Variants in BCAR3 observed in about 807,000 individuals in gnomAD.
The protein encoded by BCAR3 is BCAR3 adaptor protein, NSP family member.
Under a neutral mutation model 80.1 loss-of-function variants are expected in BCAR3, and 37 were observed. The observed-to-expected ratio is 0.46, with a 90% confidence interval of 0.36 to 0.61. BCAR3 has a LOEUF of 0.61. Ranked by LOEUF, BCAR3 falls within the 20% of genes least tolerant of loss-of-function variation. BCAR3 has a pLI of 0.00. For synonymous variants in BCAR3, 389 were observed against 418.9 expected (o/e 0.93, Z 0.87); for missense variants, 978 against 1,068.2 (o/e 0.92, Z 1.18).
At chr1:93,739,197 T>C (rs942071061) in intron 2 of BCAR3, among the ~76,000 whole-genome samples, 1 of 152,164 alleles carries the variant, frequency 6.6e-6, no homozygotes, top group Non-Finnish European at 1.5e-5. Context: ...CATGGTTACA[T>C]GACAGCTGCC....
chr1:93,713,426 A>G (rs1650093931), intron 2 of BCAR3, among the ~76,000 whole-genome samples: 2 of 152,150 alleles, frequency 1.3e-5, no homozygotes, highest in Non-Finnish European at 2.9e-5. Flanking sequence ...CTGCCTTCCA[A>G]TCACCAAATT....
chr1:93,577,555 G>A (rs1282460351), intron 7 of BCAR3, among the ~76,000 whole-genome samples: 1 of 152,142 alleles, frequency 6.6e-6, no homozygotes, highest in Non-Finnish European at 1.5e-5. Flanking sequence ...ACTTTGCAAA[G>A]GATTCAGATA....
In BCAR3 at chr1:93,762,478, T is replaced by C. The variant is rs143181082; in HGVS notation, c.-62-56336A>G. Among the ~76,000 whole-genome samples, 159 of 152,290 alleles carry C rather than the reference T, an allele frequency of 1.0e-3. 1 individual carries two copies. Among genetic ancestry groups the C allele is most frequent in the African/African-American group, 3.7e-3 (152 of 41,566 alleles). On this transcript the variant is annotated intron_variant, in intron 2 of 13. Coordinates refer to the BCAR3 transcript ENST00000370244. ...TACACCCAGTGGCAGTAGCAGTGGA[T>C]GCAGACAAGTTAGCAAGGGCAGCAG...
intron 3 of BCAR3, among the ~76,000 whole-genome samples, chr1:93,608,309 G>A (rs750523766): frequency 2.0e-5 from 3 of 152,194 alleles, no homozygotes; most frequent in Non-Finnish European, 4.4e-5. Flanking sequence ...ACCTCCTGAG[G>A]CTCTCCTTTC....
intron 3 of BCAR3, among the ~76,000 whole-genome samples, chr1:93,627,640 T>C (rs141062917): frequency 9.8e-5 from 15 of 152,388 alleles, no homozygotes; most frequent in East Asian, 7.7e-4. Context: ...CACTGGTATA[T>C]AATGGGTTTA....
chr1:93,799,222 G>T (rs535310155), intron 2 of BCAR3, among the ~76,000 whole-genome samples: 9 of 152,100 alleles, frequency 5.9e-5, no homozygotes, highest in African/African-American at 2.2e-4. Context: ...CGTGTTTTGG[G>T]GCTGGAACAC....
In BCAR3 at chr1:93,579,081, C is replaced by T. The variant is rs534895057; in HGVS notation, c.1687-2952G>A. Among the ~76,000 whole-genome samples, 32 of 152,258 alleles carry T rather than the reference C, an allele frequency of 2.1e-4. No homozygotes were observed. The South Asian group carries it at 4.6e-3, about 22-fold the overall frequency. Reference sequence around the variant, plus strand: ...AGGGGCTCAGTGGCTCCTAACTAGGCCCTTGGGGGGTGGGGGCATGGACAC... The same window carrying T: ...AGGGGCTCAGTGGCTCCTAACTAGGTCCTTGGGGGGTGGGGGCATGGACAC... On this transcript the variant is annotated intron_variant, in intron 7 of 11. Transcript: ENST00000260502.
At chr1:93,833,366 G>A (rs1006695400) in intron 2 of BCAR3, among the ~76,000 whole-genome samples, 130 of 152,230 alleles carry the variant, frequency 8.5e-4, no homozygotes, top group African/African-American at 3.0e-3. Flanking sequence ...TCCATGTCCC[G>A]CTGTGCATGC....
chr1:93,685,810 T>C (rs925165945), upstream of BCAR3, among the ~76,000 whole-genome samples: 2 of 152,192 alleles, frequency 1.3e-5, no homozygotes, highest in African/African-American at 4.8e-5. Context: ...ACCCCTTCAA[T>C]TTTTGTCAAC....
chr1:93,726,241 A>T lies in BCAR3; in HGVS notation c.-62-20099T>A, dbSNP rs1650577857. 2.6e-5 allele frequency among the ~76,000 whole-genome samples: 4 copies of T among 150,976 alleles called. No homozygotes were observed. In the South Asian group the frequency reaches 8.4e-4, roughly 32 times the overall value. On this transcript the variant is annotated intron_variant, in intron 2 of 13. Transcript: ENST00000370244. Reference sequence around the variant, plus strand: ...CACCATGCCCAGCCAATTTAAATATATTTTTTTTTGAGAGAGAGACAGGGT... The same window carrying T: ...CACCATGCCCAGCCAATTTAAATATTTTTTTTTTTGAGAGAGAGACAGGGT...
intron 2 of BCAR3, among the ~76,000 whole-genome samples, chr1:93,717,307 G>A (rs1167708716): frequency 6.6e-6 from 1 of 152,226 alleles, no homozygotes; most frequent in East Asian, 1.9e-4. Flanking sequence ...CAAAATTGCT[G>A]AGTTTGTAAT....
rs558573038 is a variant in BCAR3 at position 93,617,385 on chromosome 1, C to G, written c.357+24919G>C. Among the ~76,000 whole-genome samples the G allele has an allele frequency of 2.2e-4, 33 of 152,292 alleles. No homozygotes were observed. In the South Asian group the frequency reaches 2.7e-3, roughly 12 times the overall value. ...GTAATACTGCCCATAGCCCCAAACCCTCCCCAAAGCAGCCCAGAATCAGGG... is the reference window on the plus strand; with the variant it reads ...GTAATACTGCCCATAGCCCCAAACCGTCCCCAAAGCAGCCCAGAATCAGGG... On this transcript the variant is annotated intron_variant, in intron 3 of 11. Coordinates refer to ENST00000260502, the MANE Select transcript of BCAR3 (RefSeq NM_003567.4).
intron 3 of BCAR3, among the ~76,000 whole-genome samples, chr1:93,613,431 CTGTACATTA>C (rs1328294674): frequency 2.6e-5 from 4 of 152,184 alleles, no homozygotes; most frequent in Non-Finnish European, 5.9e-5. Context: ...TGTGTGGCTT[CTGTACATTA>C]TGTACATTAT....
chr1:93,718,267 A>G (rs1429304130), intron 2 of BCAR3, among the ~76,000 whole-genome samples: 1 of 152,228 alleles, frequency 6.6e-6, no homozygotes, highest in Non-Finnish European at 1.5e-5. Context: ...AGATAGAAGT[A>G]GTTTTCTAAA....
Position 93,700,965 on chromosome 1 carries a change from T to C in BCAR3, c.-12+5127A>G, listed in dbSNP as rs143697315. Among the ~76,000 whole-genome samples the C allele has an allele frequency of 2.1e-3, 324 of 152,298 alleles. 1 individual carries two copies. Among genetic ancestry groups the C allele is most frequent in the African/African-American group, 7.6e-3 (316 of 41,564 alleles). ...GGCACCCTCAGCGGACCTCACCAGG[T>C]GGGAGGCAGATGGTGTGCTGTTAAA... On this transcript the variant is annotated intron_variant, in intron 3 of 13. Transcript: ENST00000370244.
intron 2 of BCAR3, among the ~76,000 whole-genome samples, chr1:93,802,749 G>C (rs1026822947): frequency 6.6e-6 from 1 of 152,230 alleles, no homozygotes; most frequent in Non-Finnish European, 1.5e-5. Flanking sequence ...AATTTTTGCA[G>C]TAGAGAAACA....
At chr1:93,658,957 C>T (rs1647522864) in intron 2 of BCAR3, among the ~76,000 whole-genome samples, 1 of 152,182 alleles carries the variant, frequency 6.6e-6, no homozygotes, top group Admixed American at 6.5e-5. Context: ...TTAACCAACC[C>T]ATGCACCAGG....
intron 4 of BCAR3, chr1:93,590,395 A>G (rs998500468): frequency 6.6e-6 from 1 of 152,220 alleles, no homozygotes; most frequent in Non-Finnish European, 1.5e-5. Context: ...AACACAAATG[A>G]TAATATTACC....
chr1:93,578,745 T>C (rs1443928137), intron 7 of BCAR3, among the ~76,000 whole-genome samples: 1 of 151,318 alleles, frequency 6.6e-6, no homozygotes, highest in African/African-American at 2.4e-5. Flanking sequence ...CCCCACCTGA[T>C]AGCAGGTGCT....
Sources: allele counts gnomAD v4.1 joint callset (sites outside exome capture counted in the v4.1 genomes callset), GRCh38; gene constraint gnomAD v4.1.1; transcripts MANE v1.5; gene names NCBI Gene and HGNC (gene_info 2026-07-23, HGNC 2026-07-21).